Variants in PCDHA5 observed in about 807,000 individuals in gnomAD.
PCDHA5 encodes protocadherin alpha-5.
In PCDHA5, 43 loss-of-function variants were observed where a neutral mutation model predicts 61.6. The observed-to-expected ratio is 0.70, with a 90% CI of 0.55 to 0.90. The LOEUF is 0.90. PCDHA5 is among the 40% of genes least tolerant of loss of function. The pLI is 0.00. For missense variants in PCDHA5, 1,298 were observed against 1,222.7 expected (o/e 1.06, Z -0.92); for synonymous variants, 627 against 543.9 (o/e 1.15, Z -2.13).
At chr5:141,009,118 C>G (rs2098400274) in intron 3 of PCDHA5, among the ~76,000 whole-genome samples, 1 of 152,182 alleles carries the variant, frequency 6.6e-6, no homozygotes, top group Non-Finnish European at 1.5e-5. Flanking sequence ...AAACTAGATT[C>G]TTGGTATCCT....
At chr5:140,903,824 T>A (rs1439298617) in intron 1 of PCDHA5, among the ~76,000 whole-genome samples, 3 of 152,202 alleles carry the variant, frequency 2.0e-5, no homozygotes, top group Admixed American at 2.0e-4. Context: ...CACATGAATG[T>A]CTGTTGGTAT....
intron 1 of PCDHA5, chr5:140,871,547 A>T: frequency 6.7e-7 from 1 of 1,498,966 alleles, no homozygotes; most frequent in Non-Finnish European, 8.9e-7. Flanking sequence ...AATTATTTAA[A>T]ATCCAGTTTT....
Position 140,877,206 on chromosome 5 carries a change from C to A in PCDHA5, c.2352+53079C>A, listed in dbSNP as rs782807049. 10 of 1,613,650 alleles carry A rather than the reference C, an allele frequency of 6.2e-6. No homozygotes were observed. The highest frequency in any genetic ancestry group is 8.5e-6 in the Non-Finnish European group (10 of 1,179,798). On this transcript the variant is annotated intron_variant, in intron 1 of 3. Transcript: ENST00000529859. ...CTGGCAGCGCAGGAGGCGCAGTTAG[C>A]GAGTTGGTACCGCGGTCGGTGGGTG...
chr5:140,966,885 C>A (rs1554228854), intron 1 of PCDHA5: 1 of 1,590,816 alleles, frequency 6.3e-7, no homozygotes, highest in Admixed American at 1.7e-5. Flanking sequence ...CCTGGCCCTG[C>A]GGCCTCCCAG....
intron 3 of PCDHA5, among the ~76,000 whole-genome samples, chr5:140,984,059 C>G (rs1269975627): frequency 6.6e-6 from 1 of 152,108 alleles, no homozygotes; most frequent in East Asian, 1.9e-4. Context: ...CAAATCTGTA[C>G]CCTCAGTGCC....
intron 1 of PCDHA5, chr5:140,829,968 T>G (rs1770719339): frequency 6.2e-7 from 1 of 1,613,838 alleles, no homozygotes; most frequent in Admixed American, 1.7e-5. Context: ...CGCGTGGGGC[T>G]GTACACGGGC....
chr5:140,990,783 G>A (rs932115900), intron 3 of PCDHA5, among the ~76,000 whole-genome samples: 5 of 152,170 alleles, frequency 3.3e-5, no homozygotes, highest in African/African-American at 7.2e-5. Flanking sequence ...TGTGTTGGAC[G>A]ATGAACCATG....
chr5:140,883,905 G>C (rs781818160), intron 1 of PCDHA5: 1 of 1,613,458 alleles, frequency 6.2e-7, no homozygotes, highest in South Asian at 1.1e-5. Flanking sequence ...CCGCCTCTGG[G>C]CAGCAACGTG....
chr5:140,904,486 C>G (rs1396927518), intron 1 of PCDHA5, among the ~76,000 whole-genome samples: 2 of 151,508 alleles, frequency 1.3e-5, no homozygotes, highest in African/African-American at 2.4e-5. Context: ...TGGTCTGATT[C>G]CAAATTTTTA....
intron 3 of PCDHA5, among the ~76,000 whole-genome samples, chr5:141,000,533 T>G (rs1554257655): frequency 3.4e-5 from 5 of 147,384 alleles, no homozygotes; most frequent in Admixed American, 1.4e-4. Context: ...GTTCAAGTGA[T>G]TCTCATGCCT....
intron 1 of PCDHA5, chr5:140,868,497 T>C (rs1458506620): frequency 1.3e-5 from 2 of 152,376 alleles, no homozygotes; most frequent in Admixed American, 6.5e-5. Flanking sequence ...TTGAGTTCCC[T>C]AGCAGCCAAA....
chr5:140,884,439 C>G (rs1554181562), intron 1 of PCDHA5: 2 of 1,613,818 alleles, frequency 1.2e-6, no homozygotes, highest in East Asian at 2.2e-5. Context: ...CTGCGGTGCT[C>G]GGCACCGCCC....
chr5:140,823,732 CA>C lies in PCDHA5; in HGVS notation c.1958del (p.His653LeufsTer6). ...RHRLLVLVKD[H>X]GEPPLTATAT... is the part of the protein sequence containing the mutation. ...CCGCCTTCTGGTGCTGGTGAAGGAC[CA>C]TGGAGAGCCCCCGCTGACAGCCACA... is the stretch of plus-strand genomic sequence containing the variant. On this transcript the variant is annotated frameshift_variant, in exon 1 of 4. Transcript: ENST00000529859. LOFTEE classifies it high-confidence loss of function. 6.2e-7 allele frequency: 1 copy of C among 1,613,860 alleles called. No individual in the cohort carries two copies. Among genetic ancestry groups the C allele is most frequent in the Non-Finnish European group, 8.5e-7 (1 of 1,179,926 alleles).
chr5:140,871,386 G>A lies in PCDHA5; in HGVS notation c.2352+47259G>A, dbSNP rs782650816. The A allele has an allele frequency of 3.1e-6, 5 of 1,614,058 alleles. No individual in the cohort carries two copies. In the South Asian group the frequency reaches 4.4e-5, roughly 14 times the overall value. ...GGCGGCAGAGGGTGTGCTCTGAGGA[G>A]GGCCCACCTAAGACGGACCTCATGG... On this transcript the variant is annotated intron_variant, in intron 1 of 3. Coordinates refer to ENST00000529859, the MANE Select transcript of PCDHA5 (RefSeq NM_018908.3).
chr5:140,987,001 G>T (rs2097221434), intron 3 of PCDHA5, among the ~76,000 whole-genome samples: 1 of 152,038 alleles, frequency 6.6e-6, no homozygotes. Context: ...ATCACTTGAG[G>T]TCATGAGTTC....
At position 140,822,738 on chromosome 5, in the gene PCDHA5, C is replaced by T. The variant is rs2150118963; in HGVS notation, c.963C>T (p.Ala321=). Residue 321 remains alanine (A), a synonymous_variant, in exon 1 of 4, where the codon GCC becomes GCT. Coordinates refer to ENST00000529859, the MANE Select transcript of PCDHA5 (RefSeq NM_018908.3). ...ACTCATATGAAATTAATATTGATGC[C>T]ATGGATAAAAGTACATTCCCATTAT... ...DYNSYEINID[A]MDKSTFPLSG... 2 of 1,613,298 alleles carry T rather than the reference C, an allele frequency of 1.2e-6. No homozygotes were observed. Among genetic ancestry groups the T allele is most frequent in the Non-Finnish European group, 8.5e-7 (1 of 1,179,304 alleles).
chr5:140,852,889 T>G lies in PCDHA5; in HGVS notation c.2352+28762T>G. On this transcript the variant is annotated intron_variant, in intron 1 of 3. Transcript: ENST00000529859. ...TCATCAATAATCATAAAACGTATTT[T>G]TTTTTTTGAGTCAGAGTCTCGCTCT... is the stretch of plus-strand genomic sequence containing the variant. The G allele has an allele frequency of 2.2e-6, 2 of 920,480 alleles. 1 individual carries two copies. The highest frequency in any genetic ancestry group is 2.6e-6 in the Non-Finnish European group (2 of 757,628). The allele number at this position is 920,480 out of a possible 1,614,324, so 57.0% of individuals were successfully genotyped here.
chr5:141,009,233 T>C (rs2098403082), intron 3 of PCDHA5, among the ~76,000 whole-genome samples: 1 of 152,184 alleles, frequency 6.6e-6, no homozygotes, highest in Non-Finnish European at 1.5e-5. Context: ...GGTGGGAGGA[T>C]CTCTTGAGCT....
intron 1 of PCDHA5, among the ~76,000 whole-genome samples, chr5:140,945,724 A>G (rs569323682): frequency 4.6e-5 from 7 of 152,272 alleles, no homozygotes; most frequent in South Asian, 2.1e-4. Flanking sequence ...AAGAATATAC[A>G]ATGGAAAAAG....
Sources: gnomAD v4.1 joint callset for allele counts (sites outside exome capture counted in the v4.1 genomes callset) on GRCh38, gnomAD v4.1.1 for gene constraint, MANE v1.5 for transcripts, NCBI Gene and HGNC (gene_info 2026-07-23, HGNC 2026-07-21) for gene names.